SLC44A3: variants seen among roughly 807,000 people sequenced by gnomAD.
SLC44A3 encodes solute carrier family 44 member 3, also known as choline transporter-like protein 3.
SLC44A3 carries 74 observed loss-of-function variants against 75.4 expected under a neutral mutation model. The observed-to-expected ratio is 0.98, with a 90% CI of 0.81 to 1.19. SLC44A3 has a LOEUF of 1.19. Among genes scored for constraint, SLC44A3 ranks in the 50% most tolerant of loss-of-function variants. The pLI, the probability that SLC44A3 is intolerant of heterozygous loss-of-function variation, is 0.00. For missense variants in SLC44A3, 700 were observed against 778.6 expected, an observed-to-expected ratio of 0.90 and a Z score of 1.20; for synonymous variants, 310 against 296.9, an observed-to-expected ratio of 1.04 and a Z score of -0.45.
At chr1:94,857,915 G>T (rs559808454) in intron 10 of SLC44A3, among the ~76,000 whole-genome samples, 81 of 149,824 alleles carry the variant, frequency 5.4e-4, no homozygotes, top group African/African-American at 1.9e-3. Context: ...CTGGGTTCGA[G>T]CGATTCTTCT....
At chr1:94,825,754 C>G (rs1419862264) in intron 3 of SLC44A3, 1 of 446,168 alleles carries the variant, frequency 2.2e-6, no homozygotes. Context: ...CTCTTATCCT[C>G]CTGAGTGTTG....
At chr1:94,889,398 G>A (rs1473160967) in intron 12 of SLC44A3, 1 of 152,128 alleles carries the variant, frequency 6.6e-6, no homozygotes, top group Non-Finnish European at 1.5e-5. Flanking sequence ...ATAAATTCTT[G>A]TTGTAATCTG....
chr1:94,845,048 G>A (rs1664223916), intron 8 of SLC44A3, among the ~76,000 whole-genome samples: 1 of 152,068 alleles, frequency 6.6e-6, no homozygotes, highest in South Asian at 2.1e-4. Context: ...TTTATGGAGG[G>A]ACTGTGTCTT....
At chr1:94,892,637 T>C in intron 14 of SLC44A3, 120 bp downstream of exon 14, 1 of 959,494 alleles carries the variant, frequency 1.0e-6, no homozygotes, top group Non-Finnish European at 1.6e-6. Flanking sequence ...GCTCTGAGGC[T>C]TCTACTACCC....
intron 7 of SLC44A3, among the ~76,000 whole-genome samples, chr1:94,840,692 G>C (rs1663509540): frequency 6.6e-6 from 1 of 152,202 alleles, no homozygotes; most frequent in Non-Finnish European, 1.5e-5. Flanking sequence ...AGTACCCACT[G>C]GGAGCATTTT....
At chr1:94,862,377 G>A (rs544346853) in intron 10 of SLC44A3, among the ~76,000 whole-genome samples, 1 of 152,200 alleles carries the variant, frequency 6.6e-6, no homozygotes, top group African/African-American at 2.4e-5. Flanking sequence ...GCCAAAGCTT[G>A]TCTCTAGGAC....
intron 1 of SLC44A3, 116 bp from the exon 2 acceptor site, chr1:94,820,833 A>T (rs1050269403): frequency 3.5e-5 from 46 of 1,311,332 alleles, no homozygotes; most frequent in Non-Finnish European, 4.4e-5. Flanking sequence ...TATTAATTTT[A>T]AAAATTTAGA....
chr1:94,858,500 G>A (rs530609401), intron 10 of SLC44A3, among the ~76,000 whole-genome samples: 1 of 152,080 alleles, frequency 6.6e-6, no homozygotes, highest in East Asian at 1.9e-4. Context: ...ACCCAGCCAG[G>A]GCAATGGCAG....
chr1:94,824,591 C>A lies in SLC44A3; in HGVS notation c.234C>A (p.Pro78=), dbSNP rs778120746. The part of the protein sequence containing the change: ...FGNMCGKKNS[P]VEGAPLSGQD... ...ACATGTGTGGCAAGAAGAACTCCCC[C>A]GTGGAAGGGGCCCCTCTTTCAGGGC... The change falls in exon 3 of 15, where the codon CCC becomes CCA. Residue 78 remains proline (P), a synonymous_variant. Coordinates refer to ENST00000271227, the MANE Select transcript of SLC44A3 (RefSeq NM_001114106.3). The A allele has an allele frequency of 6.2e-6, 10 of 1,609,526 alleles. No individual in the cohort carries two copies. The South Asian group carries it at 1.1e-4, about 18-fold the overall frequency.
At chr1:94,865,821 T>C (rs984002465) in intron 11 of SLC44A3, among the ~76,000 whole-genome samples, 1 of 152,216 alleles carries the variant, frequency 6.6e-6, no homozygotes, top group African/African-American at 2.4e-5. Context: ...GTTTACATTG[T>C]ATTTTGGAAT....
At chr1:94,889,645 T>C (rs1669986108) in intron 12 of SLC44A3, among the ~76,000 whole-genome samples, 1 of 152,216 alleles carries the variant, frequency 6.6e-6, no homozygotes, top group South Asian at 2.1e-4. Flanking sequence ...ATTGCATAGT[T>C]GTTTATAACA....
chr1:94,835,077 A>G (rs1003677997), intron 5 of SLC44A3, among the ~76,000 whole-genome samples: 2 of 152,218 alleles, frequency 1.3e-5, no homozygotes, highest in African/African-American at 2.4e-5. Flanking sequence ...AAATTCTACA[A>G]ATTAAGGGAC....
At chr1:94,834,586 G>C (rs1662536683) in intron 5 of SLC44A3, among the ~76,000 whole-genome samples, 1 of 152,092 alleles carries the variant, frequency 6.6e-6, no homozygotes, top group South Asian at 2.1e-4. Context: ...CCGGGTTCAA[G>C]CAATTCTCCT....
chr1:94,864,785 C>T lies in SLC44A3; in HGVS notation c.1281C>T (p.Leu427=). Residue 427 remains leucine (L), a synonymous_variant, in exon 11 of 15, where the codon CTC becomes CTT. Coordinates refer to ENST00000271227, the MANE Select transcript of SLC44A3 (RefSeq NM_001114106.3). Reference sequence around the variant, plus strand: ...CTGATCATCCCATCCTTTCGTCTCTCTCCATTCTCTTCTTCTACCATCAAG... The same window carrying T: ...CTGATCATCCCATCCTTTCGTCTCTTTCCATTCTCTTCTTCTACCATCAAG... ...DPPDHPILSS[L]SILFFYHQGT... 1 of 1,614,042 alleles carries T rather than the reference C, an allele frequency of 6.2e-7. No individual in the cohort carries two copies. Among genetic ancestry groups the T allele is most frequent in the Non-Finnish European group, 8.5e-7 (1 of 1,179,930 alleles).
chr1:94,850,424 T>C (rs1442052613), intron 9 of SLC44A3, among the ~76,000 whole-genome samples: 1 of 152,230 alleles, frequency 6.6e-6, no homozygotes, highest in Non-Finnish European at 1.5e-5. Flanking sequence ...CCAGAGTCTG[T>C]ACAATAGAAG....
chr1:94,829,082 A>C (rs1661761355), intron 5 of SLC44A3, among the ~76,000 whole-genome samples: 1 of 152,086 alleles, frequency 6.6e-6, no homozygotes, highest in Admixed American at 6.6e-5. Flanking sequence ...CTAAATATAC[A>C]AAAATATATA....
At chr1:94,854,401 T>C (rs1665593312) in intron 9 of SLC44A3, among the ~76,000 whole-genome samples, 2 of 152,210 alleles carry the variant, frequency 1.3e-5, no homozygotes, top group African/African-American at 4.8e-5. Flanking sequence ...AATTCAGTGC[T>C]CTTCCCACCA....
chr1:94,844,172 A>C (rs534222314), intron 8 of SLC44A3, among the ~76,000 whole-genome samples: 5 of 152,224 alleles, frequency 3.3e-5, no homozygotes, highest in Admixed American at 6.5e-5. Context: ...GTGGAATAAA[A>C]TGGGAGCACA....
At chr1:94,879,118 G>A (rs115926527) in intron 12 of SLC44A3, among the ~76,000 whole-genome samples, 1,623 of 151,290 alleles carry the variant, frequency 0.011, 24 homozygotes, top group African/African-American at 0.037. Context: ...AAAATAGAGT[G>A]AAAATCATCC....
Sources: gnomAD v4.1 joint callset for allele counts (sites outside exome capture counted in the v4.1 genomes callset) on GRCh38, gnomAD v4.1.1 for gene constraint, MANE v1.5 for transcripts, NCBI Gene and HGNC (gene_info 2026-07-23, HGNC 2026-07-21) for gene names.